ESRRG: variants seen among roughly 807,000 people sequenced by gnomAD.
ESRRG encodes the protein estrogen-related receptor gamma.
Under a neutral mutation model 44.0 loss-of-function variants are expected in ESRRG, and 13 were observed. The ratio of observed to expected loss-of-function variants is 0.30; its 90% confidence interval spans 0.19 to 0.47. ESRRG has a LOEUF of 0.47. Ranked by LOEUF, ESRRG falls within the 20% of genes least tolerant of loss-of-function variation. The pLI, the probability that ESRRG is intolerant of heterozygous loss-of-function variation, is 1.00. For missense variants in ESRRG, 395 were observed against 580.6 expected (o/e 0.68, Z 3.29); for synonymous variants, 215 against 214.6 (o/e 1.00, Z -0.02).
At chr1:217,013,845 G>A (rs115877625) in intron 1 of ESRRG, among the ~76,000 whole-genome samples, 2 of 151,928 alleles carry the variant, frequency 1.3e-5, no homozygotes, top group Non-Finnish European at 2.9e-5. Flanking sequence ...CCATTAAAAT[G>A]AGGGGCTGAA....
At chr1:216,800,473 T>A (rs1178985952) in intron 2 of ESRRG, among the ~76,000 whole-genome samples, 1 of 152,138 alleles carries the variant, frequency 6.6e-6, no homozygotes, top group East Asian at 1.9e-4. Context: ...CTATCCAAAA[T>A]ACACAGTTAA....
At chr1:216,622,570 C>CT (rs1367012022) in intron 3 of ESRRG, among the ~76,000 whole-genome samples, 1 of 151,380 alleles carries the variant, frequency 6.6e-6, no homozygotes, top group Non-Finnish European at 1.5e-5. Context: ...TATGTTTCTT[C>CT]TTTTTATTAA....
chr1:216,570,285 G>T (rs2060535973), intron 3 of ESRRG, among the ~76,000 whole-genome samples: 1 of 152,138 alleles, frequency 6.6e-6, no homozygotes, highest in Non-Finnish European at 1.5e-5. Context: ...AGGTTATTAA[G>T]CATTCACTGA....
At chr1:216,993,805 G>T (rs1428307616) in intron 1 of ESRRG, among the ~76,000 whole-genome samples, 2 of 152,144 alleles carry the variant, frequency 1.3e-5, no homozygotes, top group African/African-American at 4.8e-5. Flanking sequence ...CCAGCTCCTG[G>T]TCCATAATGA....
At position 216,796,301 on chromosome 1, in the gene ESRRG, A is replaced by G. The variant is rs558003922; in HGVS notation, c.-13-118810T>C. Among the ~76,000 whole-genome samples, 61 of 152,260 alleles carry G rather than the reference A, an allele frequency of 4.0e-4. 1 individual carries two copies. In the South Asian group the frequency reaches 0.012, roughly 31 times the overall value. On this transcript the variant is annotated intron_variant, in intron 2 of 7. Transcript: ENST00000359162. ...CTGGGCTCCCAGATGCCCTTGGGCA[A>G]TTGTATATCTCCAAGGCGAACACTG... is the stretch of plus-strand genomic sequence containing the variant.
chr1:216,653,257 G>A (rs1451179662), intron 2 of ESRRG, among the ~76,000 whole-genome samples: 1 of 152,132 alleles, frequency 6.6e-6, no homozygotes, highest in African/African-American at 2.4e-5. Context: ...GCTCACACCT[G>A]GACTATGGCA....
chr1:216,644,028 T>C (rs572504106), intron 3 of ESRRG, among the ~76,000 whole-genome samples: 2 of 152,304 alleles, frequency 1.3e-5, no homozygotes, highest in East Asian at 3.9e-4. Context: ...CCTAGGCATA[T>C]GACATACTTG....
At chr1:216,777,050 C>G (rs2093641454) in intron 2 of ESRRG, among the ~76,000 whole-genome samples, 1 of 152,136 alleles carries the variant, frequency 6.6e-6, no homozygotes, top group Admixed American at 6.6e-5. Context: ...ATTTATCCTA[C>G]TCTCTTCCCA....
intron 3 of ESRRG, among the ~76,000 whole-genome samples, chr1:216,638,978 A>G (rs554220531): frequency 1.3e-4 from 20 of 152,296 alleles, no homozygotes; most frequent in African/African-American, 4.6e-4. Context: ...ATACTTCCAA[A>G]TTACGTATGA....
chr1:217,080,770 C>A (rs1160318776), intron 1 of ESRRG, among the ~76,000 whole-genome samples: 2 of 147,156 alleles, frequency 1.4e-5, no homozygotes, highest in African/African-American at 2.5e-5. Context: ...CTTCGCCTCC[C>A]GGGTTCACAC....
intron 3 of ESRRG, among the ~76,000 whole-genome samples, chr1:216,574,779 A>T (rs549631922): frequency 6.6e-6 from 1 of 152,146 alleles, no homozygotes. Flanking sequence ...ATGTTATCAA[A>T]CATAGATTGC....
intron 3 of ESRRG, among the ~76,000 whole-genome samples, chr1:216,582,265 C>A (rs11572748): frequency 0.049 from 7,521 of 152,190 alleles, 242 homozygotes; most frequent in Non-Finnish European, 0.075. Context: ...GAAAGCTGAC[C>A]TGTTTTGGTC....
At chr1:216,989,107 G>A (rs1258794716) in intron 1 of ESRRG, among the ~76,000 whole-genome samples, 1 of 151,948 alleles carries the variant, frequency 6.6e-6, no homozygotes, top group Admixed American at 6.6e-5. Flanking sequence ...TTCTAGAGTG[G>A]GTAATTTTTC....
intron 2 of ESRRG, among the ~76,000 whole-genome samples, chr1:216,733,119 A>G (rs917659226): frequency 3.9e-5 from 6 of 152,202 alleles, no homozygotes; most frequent in Admixed American, 3.3e-4. Context: ...ACAGTTTTTC[A>G]AAGATTCCCT....
At chr1:216,842,592 GC>G (rs1173654984) in intron 2 of ESRRG, among the ~76,000 whole-genome samples, 1 of 152,124 alleles carries the variant, frequency 6.6e-6, no homozygotes, top group Non-Finnish European at 1.5e-5. Flanking sequence ...TGTGCTTTCT[GC>G]CCGGAGATGT....
At chr1:216,682,879 C>T (rs950965642) in intron 1 of ESRRG, among the ~76,000 whole-genome samples, 8 of 152,024 alleles carry the variant, frequency 5.3e-5, no homozygotes, top group Admixed American at 2.6e-4. Flanking sequence ...GAGCTTTTTT[C>T]CCCCCTGCTT....
chr1:216,912,181 AAAAGGAGAGGAGAGGAGAGG>A (rs1357290419), intron 2 of ESRRG, among the ~76,000 whole-genome samples: 13 of 15,976 alleles, frequency 8.1e-4, no homozygotes, highest in African/African-American at 3.2e-3. Flanking sequence ...AAAAGAAAAG[AAAAGGAGAGGAGAGGAGAGG>A]AGAGGAGAGG....
intron 3 of ESRRG, among the ~76,000 whole-genome samples, chr1:216,628,776 T>C (rs918328733): frequency 6.6e-6 from 1 of 152,150 alleles, no homozygotes; most frequent in African/African-American, 2.4e-5. Flanking sequence ...AAACTTCTCA[T>C]TAACCTCAGG....
chr1:216,809,237 T>G (rs1325455449), intron 2 of ESRRG, among the ~76,000 whole-genome samples: 2 of 150,688 alleles, frequency 1.3e-5, no homozygotes. Context: ...TCCTTCCAAA[T>G]GCACAAGGCT....
Sources: gnomAD v4.1 joint callset for allele counts (sites outside exome capture counted in the v4.1 genomes callset) on GRCh38, gnomAD v4.1.1 for gene constraint, MANE v1.5 for transcripts, NCBI Gene and HGNC (gene_info 2026-07-23, HGNC 2026-07-21) for gene names.